SPIRE1: variants seen among roughly 807,000 people sequenced by gnomAD.
SPIRE1 encodes the protein spire type actin nucleation factor 1, also known as protein spire homolog 1.
Under a neutral mutation model 94.1 loss-of-function variants are expected in SPIRE1, and 40 were observed. That is an observed-to-expected ratio of 0.43 (90% CI 0.33 to 0.55). The LOEUF (loss-of-function observed/expected upper bound fraction) is 0.55. Among genes scored for constraint, SPIRE1 ranks in the 20% least tolerant of loss-of-function variants. The pLI is 0.06. For synonymous variants in SPIRE1, 376 were observed against 371.7 expected, an observed-to-expected ratio of 1.01 and a Z score of -0.13; for missense variants, 838 against 975.2, an observed-to-expected ratio of 0.86 and a Z score of 1.87.
upstream of SPIRE1, chr18:12,658,684 TC>T (rs1208312872): frequency 3.6e-5 from 16 of 442,788 alleles, no homozygotes; most frequent in Non-Finnish European, 7.1e-5. Flanking sequence ...CCTGAAAGCC[TC>T]CGGCAGTTTC....
In SPIRE1 at chr18:12,511,312, G is replaced by A. The variant is rs144245367; in HGVS notation, c.807+1142C>T. On this transcript the variant is annotated intron_variant, in intron 5 of 16. Transcript: ENST00000409402. Reference sequence around the variant, plus strand: ...GTGGATGAGCAAGCGTTATGCCTGAGCTCTGTCTCCTGTTAAGATCAGCAG... The same window carrying A: ...GTGGATGAGCAAGCGTTATGCCTGAACTCTGTCTCCTGTTAAGATCAGCAG... Among the ~76,000 whole-genome samples, 29 of 152,332 alleles carry A rather than the reference G, an allele frequency of 1.9e-4. No individual in the cohort carries two copies. In the East Asian group the frequency reaches 5.6e-3, roughly 29 times the overall value.
intron 16 of SPIRE1, 45 bp from the exon 17 acceptor site, chr18:12,449,941 T>A (rs756248663): frequency 1.3e-6 from 2 of 1,572,528 alleles, no homozygotes; most frequent in Non-Finnish European, 1.7e-6. Context: ...TACTTATAGG[T>A]CTGCTGCAAT....
intron 4 of SPIRE1, among the ~76,000 whole-genome samples, chr18:12,532,203 A>T (rs1350290615): frequency 6.6e-6 from 1 of 152,294 alleles, no homozygotes; most frequent in Non-Finnish European, 1.5e-5. Context: ...TAGAATATAA[A>T]CAAATTTGCT....
At chr18:12,590,046 T>C (rs1484598001) in intron 2 of SPIRE1, among the ~76,000 whole-genome samples, 1 of 38,056 alleles carries the variant, frequency 2.6e-5, no homozygotes. Flanking sequence ...ATTTTTCCTA[T>C]GCAGTAACTG....
At chr18:12,619,195 C>G (rs1445820840) in intron 2 of SPIRE1, among the ~76,000 whole-genome samples, 1 of 152,172 alleles carries the variant, frequency 6.6e-6, no homozygotes, top group Non-Finnish European at 1.5e-5. Flanking sequence ...CACACCCAGT[C>G]CACAAAAACA....
At chr18:12,483,425 G>A (rs1241713314) in intron 9 of SPIRE1, among the ~76,000 whole-genome samples, 1 of 152,064 alleles carries the variant, frequency 6.6e-6, no homozygotes, top group Non-Finnish European at 1.5e-5. Context: ...ATATTTATAT[G>A]TAAGCAAAAT....
intron 2 of SPIRE1, among the ~76,000 whole-genome samples, chr18:12,581,106 G>T (rs868783703): frequency 6.6e-6 from 1 of 152,158 alleles, no homozygotes; most frequent in Middle Eastern, 3.4e-3. Context: ...ACACTTTACT[G>T]AGTTTCTAGG....
chr18:12,619,664 A>AG lies in SPIRE1; in HGVS notation c.372+15397dup. Among the ~76,000 whole-genome samples the AG allele has an allele frequency of 1.3e-5, 2 of 152,016 alleles. 1 individual carries two copies. Among genetic ancestry groups the AG allele is most frequent in the South Asian group, 4.2e-4 (2 of 4,810 alleles). ...AGTTTAAGACCAGCCTGGCCAACAC[A>AG]GTGAAACCCTGTCTCTACTAAGAAT... On this transcript the variant is annotated intron_variant, in intron 2 of 16. Transcript: ENST00000409402.
chr18:12,602,299 T>C (rs1212712907), intron 2 of SPIRE1, among the ~76,000 whole-genome samples: 2 of 152,170 alleles, frequency 1.3e-5, no homozygotes, highest in Non-Finnish European at 2.9e-5. Flanking sequence ...TTCAGAACTC[T>C]GAAATGCATA....
At chr18:12,549,112 C>A (rs558597880) in intron 2 of SPIRE1, among the ~76,000 whole-genome samples, 2 of 152,152 alleles carry the variant, frequency 1.3e-5, no homozygotes, top group Admixed American at 6.5e-5. Context: ...TCACCACAGG[C>A]AGGTGCTGCT....
intron 5 of SPIRE1, among the ~76,000 whole-genome samples, chr18:12,510,376 T>TAA (rs1038177306): frequency 2.6e-5 from 4 of 152,190 alleles, no homozygotes; most frequent in Non-Finnish European, 4.4e-5. Flanking sequence ...CAGCTTATTG[T>TAA]ATATCTATTA....
rs940259543 is a variant in SPIRE1, at chr18:12,448,773, C to T, written c.*865G>A. On this transcript the variant is annotated 3_prime_UTR_variant, in exon 17 of 17. Coordinates refer to ENST00000409402, the MANE Select transcript of SPIRE1 (RefSeq NM_001128626.2). The surrounding 1 kb of genome is among the most constrained non-coding windows in gnomAD (Gnocchi z 4.4). The stretch of plus-strand genomic sequence containing the variant: ...GCTCCAGCTCATTTCTGCAGCGTGG[C>T]CAACAGCTGCCACTGTACACTGTCA... The T allele has an allele frequency of 2.0e-5, 3 of 152,206 alleles. No individual in the cohort carries two copies. Among genetic ancestry groups the T allele is most frequent in the African/African-American group, 7.2e-5 (3 of 41,442 alleles). The allele number at this position is 152,206 out of a possible 1,614,324, so 9.4% of individuals were successfully genotyped here.
intron 3 of SPIRE1, among the ~76,000 whole-genome samples, chr18:12,536,682 T>C (rs1567917024): frequency 6.6e-6 from 1 of 152,146 alleles, no homozygotes; most frequent in Non-Finnish European, 1.5e-5. Flanking sequence ...CAACTACTTG[T>C]GGGTAAAAGG....
chr18:12,600,151 C>G (rs1187674592), intron 2 of SPIRE1, among the ~76,000 whole-genome samples: 1 of 150,480 alleles, frequency 6.6e-6, no homozygotes, highest in Non-Finnish European at 1.5e-5. Flanking sequence ...TCACAAGGAG[C>G]TGAATGTGGC....
At position 12,546,745 on chromosome 18, in the gene SPIRE1, C is replaced by A; in HGVS notation, c.532G>T (p.Glu178Ter). Residue 178 changes from glutamate (E) to a stop codon, truncating the protein, a stop_gained, in exon 3 of 17, where the codon GAA (glutamate) becomes TAA (stop). Coordinates refer to ENST00000409402, the MANE Select transcript of SPIRE1 (RefSeq NM_001128626.2). LOFTEE classifies it high-confidence loss of function. ...TCATCTTCATCTCCCAGGCCTTCTT[C>A]TGCAGCCTCATAGCCCTCATCATTG... ...GSNDEGYEAA[E>*]EGLGDEDEKR... 6.2e-7 allele frequency: 1 copy of A among 1,614,182 alleles called. No homozygotes were observed. Among genetic ancestry groups the A allele is most frequent in the Non-Finnish European group, 8.5e-7 (1 of 1,180,030 alleles).
chr18:12,492,986 A>G (rs1275505594), intron 8 of SPIRE1, 86 bp downstream of exon 8: 2 of 1,430,542 alleles, frequency 1.4e-6, no homozygotes, highest in Admixed American at 2.4e-5. Context: ...AGGAATGAGA[A>G]CTCTTTACTT....
chr18:12,575,875 T>C (rs995907726), intron 2 of SPIRE1, among the ~76,000 whole-genome samples: 2 of 152,314 alleles, frequency 1.3e-5, no homozygotes, highest in Non-Finnish European at 2.9e-5. Context: ...AAATCCTAGT[T>C]AAGATTTTTA....
chr18:12,658,213 C>T (rs1174561249), upstream of SPIRE1: 2 of 585,140 alleles, frequency 3.4e-6, no homozygotes, highest in Non-Finnish European at 5.6e-6. Flanking sequence ...GAGGTGAGGA[C>T]CAGGCAGGAG....
intron 10 of SPIRE1, among the ~76,000 whole-genome samples, chr18:12,470,984 C>T (rs1271598643): frequency 6.6e-6 from 1 of 151,302 alleles, no homozygotes; most frequent in African/African-American, 2.4e-5. Flanking sequence ...ACTCACTTAA[C>T]AGGAATGGAA....
Sources: allele counts gnomAD v4.1 joint callset (sites outside exome capture counted in the v4.1 genomes callset), GRCh38; gene constraint gnomAD v4.1.1; non-coding constraint Gnocchi (gnomAD v3.1); transcripts MANE v1.5; gene names NCBI Gene and HGNC (gene_info 2026-07-23, HGNC 2026-07-21).